The following CRYM variants were observed in gnomAD, a reference collection of about 807,000 sequenced individuals.
The protein encoded by CRYM is ketimine reductase mu-crystallin.
Under a neutral mutation model 32.9 loss-of-function variants are expected in CRYM, and 18 were observed. That is an observed-to-expected ratio of 0.55 (90% confidence interval 0.38 to 0.81). The LOEUF (loss-of-function observed/expected upper bound fraction) is 0.81, where lower values mean the gene tolerates loss of function less well. CRYM is among the 30% of genes least tolerant of loss of function. The probability of loss-of-function intolerance (pLI) is 0.00; values close to 1 mark genes in which losing one functional copy is unlikely to be tolerated. For synonymous variants in CRYM, 153 were observed against 152.4 expected, an observed-to-expected ratio of 1.00 and a Z score of -0.03; for missense variants, 337 against 393.5, an observed-to-expected ratio of 0.86 and a Z score of 1.21.
In CRYM at chr16:21,277,655, AC is replaced by A; in HGVS notation, c.171-72del. ...GGGGTCTCTTAGAAAGTATCCATAT[AC>A]TTTCCTTTTTCTTTCCTTCCTCACC... On this transcript the variant is annotated intron_variant, in intron 1 of 7. Coordinates refer to ENST00000572914, the MANE Select transcript of CRYM (RefSeq NM_001376256.1). This position sits in a 1 kb window ranked among gnomAD's most constrained non-coding sequence, Gnocchi z 4.2. The A allele has an allele frequency of 5.1e-6, 8 of 1,580,060 alleles. 1 individual carries two copies. The South Asian group carries it at 8.9e-5, about 18-fold the overall frequency.
intron 1 of CRYM, among the ~76,000 whole-genome samples, chr16:21,287,069 G>A (rs1384170963): frequency 2.7e-5 from 4 of 149,206 alleles, no homozygotes; most frequent in African/African-American, 4.9e-5. Context: ...CAGCCTGGGC[G>A]ACAGAGCGAG....
At chr16:21,282,761 A>C (rs1334693571), upstream of CRYM, among the ~76,000 whole-genome samples, 2 of 152,194 alleles carry the variant, frequency 1.3e-5, no homozygotes, top group Non-Finnish European at 2.9e-5. Context: ...GCTTTGGTTC[A>C]CATCACCCAG....
At chr16:21,259,901 G>T (rs775221828) in intron 7 of CRYM, among the ~76,000 whole-genome samples, 23 of 152,184 alleles carry the variant, frequency 1.5e-4, no homozygotes, top group Non-Finnish European at 3.1e-4. Flanking sequence ...TGCCAAAAAG[G>T]ACAGAACAAG....
upstream of CRYM, chr16:21,278,596 T>G: frequency 2.7e-6 from 1 of 367,368 alleles, no homozygotes; most frequent in Non-Finnish European, 5.1e-6. Context: ...CCCTCCCTAT[T>G]AACTCGCTTT....
chr16:21,267,449 G>A, intron 5 of CRYM, 105 bp downstream of exon 5: 1 of 1,198,596 alleles, frequency 8.3e-7, no homozygotes, highest in South Asian at 1.2e-5. Flanking sequence ...AAATAGCTTG[G>A]GCATTCTGCA....
upstream of CRYM, among the ~76,000 whole-genome samples, chr16:21,279,359 T>C (rs533771549): frequency 6.6e-6 from 1 of 152,292 alleles, no homozygotes; most frequent in South Asian, 2.1e-4. Context: ...GCTTTGCCCA[T>C]GGTTGGACTT....
intron 1 of CRYM, among the ~76,000 whole-genome samples, chr16:21,290,427 C>T (rs1247948755): frequency 1.3e-5 from 2 of 152,112 alleles, no homozygotes; most frequent in Non-Finnish European, 2.9e-5. Context: ...AAGGAAGAAA[C>T]TCGGGACACA....
intron 5 of CRYM, among the ~76,000 whole-genome samples, chr16:21,267,259 G>A (rs2093365649): frequency 6.6e-6 from 1 of 151,892 alleles, no homozygotes; most frequent in African/African-American, 2.4e-5. Flanking sequence ...CACCATGCCT[G>A]GCTAACTTTT....
chr16:21,261,004 G>A (rs938444046), intron 7 of CRYM: 12 of 564,922 alleles, frequency 2.1e-5, no homozygotes, highest in Admixed American at 5.9e-5. Context: ...GGAAACTGAG[G>A]CCTACAGAGG....
chr16:21,289,162 A>G (rs950800496), intron 1 of CRYM, among the ~76,000 whole-genome samples: 5 of 152,156 alleles, frequency 3.3e-5, no homozygotes, highest in Non-Finnish European at 7.4e-5. Flanking sequence ...TAGTTGTTCT[A>G]TAATTATTTA....
chr16:21,291,837 T>C (rs968952027), intron 1 of CRYM, among the ~76,000 whole-genome samples: 2 of 152,148 alleles, frequency 1.3e-5, no homozygotes, highest in Admixed American at 6.5e-5. Context: ...TAGTAAGCCA[T>C]TTGCAAATAT....
At chr16:21,287,303 A>G (rs889168864) in intron 1 of CRYM, among the ~76,000 whole-genome samples, 8 of 152,338 alleles carry the variant, frequency 5.3e-5, no homozygotes, top group African/African-American at 1.9e-4. Context: ...CCAAACAACC[A>G]TAAGACCTAT....
chr16:21,297,535 G>A (rs1038357096), intron 1 of CRYM, among the ~76,000 whole-genome samples: 1 of 152,156 alleles, frequency 6.6e-6, no homozygotes. Flanking sequence ...AACTAATGGT[G>A]GGCATTGACT....
Position 21,277,833 on chromosome 16 carries a change from C to T in CRYM, c.170+249G>A, listed in dbSNP as rs1486423585. Among the ~76,000 whole-genome samples the T allele has an allele frequency of 6.6e-6, 1 of 152,154 alleles. No individual in the cohort carries two copies. Among genetic ancestry groups the T allele is most frequent in the African/African-American group, 2.4e-5 (1 of 41,426 alleles). On this transcript the variant is annotated intron_variant, in intron 1 of 7. Transcript: ENST00000572914. This position sits in a 1 kb window ranked among gnomAD's most constrained non-coding sequence, Gnocchi z 4.2. ...AGCTTAGGTAAGTCACTTAACCTCT[C>T]TGAGTCTCAGTTTTCCACCAATCAA...
In CRYM at chr16:21,269,333, C is replaced by T. The variant is rs763218733; in HGVS notation, c.489+457G>A. On this transcript the variant is annotated intron_variant, in intron 4 of 7. Coordinates refer to ENST00000572914, the MANE Select transcript of CRYM (RefSeq NM_001376256.1). ...AAAATTCCCAGGGGGAAGCATGAGA[C>T]GCAGTGGGGGGAAGGTGGACCAGTA... Among the ~76,000 whole-genome samples, 29 of 152,050 alleles carry T rather than the reference C, an allele frequency of 1.9e-4. 1 individual carries two copies. The highest frequency in any genetic ancestry group is 1.2e-3 in the Admixed American group (18 of 15,260).
At chr16:21,280,135 T>A (rs748503172), upstream of CRYM, among the ~76,000 whole-genome samples, 1 of 152,212 alleles carries the variant, frequency 6.6e-6, no homozygotes, top group African/African-American at 2.4e-5. Context: ...ATCCTAGCAC[T>A]TTGGGAGGCC....
At chr16:21,278,728 AT>A (rs561399221), upstream of CRYM, 38 of 169,994 alleles carry the variant, frequency 2.2e-4, no homozygotes, top group South Asian at 1.0e-3. Flanking sequence ...GGCTTATTTA[AT>A]TTTTTTTTCC....
chr16:21,302,209 G>T (rs909564969), intron 1 of CRYM, among the ~76,000 whole-genome samples: 2 of 152,222 alleles, frequency 1.3e-5, no homozygotes, highest in African/African-American at 2.4e-5. Context: ...GACTAGTCCA[G>T]AATTTATTTG....
chr16:21,271,832 T>C (rs532813294), intron 3 of CRYM, among the ~76,000 whole-genome samples: 3 of 152,256 alleles, frequency 2.0e-5, no homozygotes, highest in South Asian at 2.1e-4. Context: ...TTTGTTGCCC[T>C]GGTAATAGTG....
Sources: gnomAD v4.1 joint callset for allele counts (sites outside exome capture counted in the v4.1 genomes callset) on GRCh38, gnomAD v4.1.1 for gene constraint, Gnocchi (gnomAD v3.1) non-coding constraint, MANE v1.5 for transcripts, NCBI Gene and HGNC (gene_info 2026-07-23, HGNC 2026-07-21) for gene names.